CRADD: variants seen among roughly 807,000 people sequenced by gnomAD.
CRADD encodes death domain-containing protein CRADD.
In CRADD, 9 loss-of-function variants were observed where a neutral mutation model predicts 15.5. The observed-to-expected ratio is 0.58, with a 90% CI of 0.35 to 1.01. The LOEUF is 1.01. Among genes scored for constraint, CRADD ranks in the 50% least tolerant of loss-of-function variants. The probability of loss-of-function intolerance (pLI) is 0.02; values close to 1 mark genes in which losing one functional copy is unlikely to be tolerated. For synonymous variants in CRADD, 118 were observed against 107.6 expected, an observed-to-expected ratio of 1.10 and a Z score of -0.60; for missense variants, 227 against 250.3, an observed-to-expected ratio of 0.91 and a Z score of 0.63.
intron 2 of CRADD, among the ~76,000 whole-genome samples, chr12:93,757,312 T>C (rs1314274662): frequency 6.6e-6 from 1 of 152,232 alleles, no homozygotes; most frequent in Non-Finnish European, 1.5e-5. Flanking sequence ...CTTCTCTCTC[T>C]GGTAGGTTAT....
chr12:93,777,492 G>A (rs78743743), intron 2 of CRADD, among the ~76,000 whole-genome samples: 7,069 of 152,290 alleles, frequency 0.046, 380 homozygotes, highest in East Asian at 0.19. Context: ...GCTGAGCTCA[G>A]CTGCTGAGTC....
chr12:93,681,695 G>T (rs564882045), intron 2 of CRADD, among the ~76,000 whole-genome samples: 1 of 152,018 alleles, frequency 6.6e-6, no homozygotes, highest in Non-Finnish European at 1.5e-5. Flanking sequence ...TAAAAACCCC[G>T]GGCACTCCTT....
chr12:93,686,008 C>T (rs151150498), intron 2 of CRADD, among the ~76,000 whole-genome samples: 6 of 148,448 alleles, frequency 4.0e-5, no homozygotes, highest in East Asian at 4.1e-4. Flanking sequence ...ACAAAACCAA[C>T]GGAAATAATG....
At chr12:93,683,504 A>G (rs10859549) in intron 2 of CRADD, among the ~76,000 whole-genome samples, 55,295 of 152,066 alleles carry the variant, frequency 0.36, 10,252 homozygotes, top group African/African-American at 0.42. Context: ...GCTGTCCCTA[A>G]GCTGACACTT....
intron 2 of CRADD, among the ~76,000 whole-genome samples, chr12:93,682,820 A>G (rs1955346888): frequency 6.6e-6 from 1 of 152,158 alleles, no homozygotes; most frequent in African/African-American, 2.4e-5. Flanking sequence ...TAGGAAAAAA[A>G]AAAAGGTTTA....
chr12:93,830,173 C>A (rs779362464), intron 2 of CRADD, among the ~76,000 whole-genome samples: 1 of 152,126 alleles, frequency 6.6e-6, no homozygotes, highest in Non-Finnish European at 1.5e-5. Context: ...CTGAATCTGC[C>A]CCTTCCTCGA....
chr12:93,838,217 T>TG (rs1162998731), intron 2 of CRADD, among the ~76,000 whole-genome samples: 18 of 119,100 alleles, frequency 1.5e-4, no homozygotes, highest in Admixed American at 1.3e-3. Flanking sequence ...TTTTGAGGTT[T>TG]TTTTTTTTTT....
downstream of CRADD, among the ~76,000 whole-genome samples, chr12:93,853,923 T>C (rs1216719577): frequency 6.6e-6 from 1 of 152,244 alleles, no homozygotes; most frequent in Non-Finnish European, 1.5e-5. Context: ...AGGTCGGTTT[T>C]GCCTTTTCAT....
intron 2 of CRADD, among the ~76,000 whole-genome samples, chr12:93,843,597 C>T (rs1412915123): frequency 6.6e-6 from 1 of 152,038 alleles, no homozygotes; most frequent in Non-Finnish European, 1.5e-5. Context: ...CCAGGCTGGT[C>T]TCGAACTCCT....
chr12:93,784,593 C>T (rs1037288798), intron 2 of CRADD, among the ~76,000 whole-genome samples: 1 of 151,904 alleles, frequency 6.6e-6, no homozygotes, highest in African/African-American at 2.4e-5. Context: ...ACCTTAAAAC[C>T]CTTTGTTCTG....
intron 2 of CRADD, among the ~76,000 whole-genome samples, chr12:93,731,246 A>G (rs1451137786): frequency 2.6e-5 from 4 of 152,192 alleles, no homozygotes; most frequent in South Asian, 2.1e-4. Flanking sequence ...TGCTCTATAC[A>G]TAGACTCCAG....
chr12:93,887,824 T>C (rs895708075), intron 2 of CRADD, among the ~76,000 whole-genome samples: 2 of 152,188 alleles, frequency 1.3e-5, no homozygotes, highest in African/African-American at 2.4e-5. Context: ...TTAACGTTTA[T>C]GGAGTTCATA....
At chr12:93,793,044 A>C (rs746166990) in intron 2 of CRADD, among the ~76,000 whole-genome samples, 2 of 152,222 alleles carry the variant, frequency 1.3e-5, no homozygotes, top group Non-Finnish European at 2.9e-5. Context: ...TTATATACTC[A>C]GAGTTTAGCC....
chr12:93,710,881 AAGAT>A (rs1956053633), intron 2 of CRADD, among the ~76,000 whole-genome samples: 2 of 152,026 alleles, frequency 1.3e-5, no homozygotes, highest in South Asian at 2.1e-4. Flanking sequence ...TTTTCAGTAA[AAGAT>A]AGGTATTATT....
chr12:93,794,772 C>G (rs1957394408), intron 2 of CRADD, among the ~76,000 whole-genome samples: 1 of 152,206 alleles, frequency 6.6e-6, no homozygotes, highest in African/African-American at 2.4e-5. Flanking sequence ...AAGCCGAACT[C>G]CTTTGTGATG....
chr12:93,890,173 G>A (rs928881340), intron 2 of CRADD, among the ~76,000 whole-genome samples: 6 of 152,204 alleles, frequency 3.9e-5, no homozygotes, highest in Admixed American at 6.5e-5. Flanking sequence ...TATTAGCTGT[G>A]TGTATTTTGG....
rs181596355 is a variant in CRADD, at chr12:93,878,975, C to T, written c.299-15075C>T. 7.9e-5 allele frequency among the ~76,000 whole-genome samples: 12 copies of T among 152,242 alleles called. 1 individual carries two copies. The highest frequency in any genetic ancestry group is 2.0e-4 in the Admixed American group (3 of 15,300). Reference sequence around the variant, plus strand: ...AAGATAGGTGGCACTTTCTATTCTGCCATCTTGCTCTGCCTCCAAATCTCC... The same window carrying T: ...AAGATAGGTGGCACTTTCTATTCTGTCATCTTGCTCTGCCTCCAAATCTCC... On this transcript the variant is annotated intron_variant, in intron 2 of 2. Coordinates refer to the CRADD transcript ENST00000548483.
chr12:93,830,885 A>G (rs1957889581), intron 2 of CRADD, among the ~76,000 whole-genome samples: 1 of 152,232 alleles, frequency 6.6e-6, no homozygotes, highest in South Asian at 2.1e-4. Flanking sequence ...AGAAATAGCT[A>G]AATTTGCCCA....
intron 2 of CRADD, among the ~76,000 whole-genome samples, chr12:93,813,789 G>C (rs1174638415): frequency 6.6e-6 from 1 of 152,084 alleles, no homozygotes; most frequent in Non-Finnish European, 1.5e-5. Context: ...GGAGGGAGCA[G>C]GATGAGCTTA....
Sources: gnomAD v4.1 joint callset for allele counts (sites outside exome capture counted in the v4.1 genomes callset) on GRCh38, gnomAD v4.1.1 for gene constraint, MANE v1.5 for transcripts, NCBI Gene and HGNC (gene_info 2026-07-23, HGNC 2026-07-21) for gene names.